Variants in PBK observed in about 807,000 individuals in gnomAD.
PBK encodes PDZ binding kinase, also known as lymphokine-activated killer T-cell-originated protein kinase.
In PBK, 22 loss-of-function variants were observed where a neutral mutation model predicts 33.5. That is an observed-to-expected ratio of 0.66 (90% CI 0.47 to 0.94). The LOEUF is 0.94. Among genes scored for constraint, PBK ranks in the 40% least tolerant of loss-of-function variants. PBK has a pLI of 0.00. For synonymous variants in PBK, 129 were observed against 123.8 expected (o/e 1.04, Z -0.28); for missense variants, 376 against 383.4 (o/e 0.98, Z 0.16).
intron 6 of PBK, among the ~76,000 whole-genome samples, chr8:27,816,246 T>C (rs78451596): frequency 6.6e-6 from 1 of 151,878 alleles, no homozygotes. Flanking sequence ...GTCTGTCTCA[T>C]GTACTCTATA....
intron 6 of PBK, among the ~76,000 whole-genome samples, chr8:27,816,386 TA>T (rs1460648047): frequency 1.3e-5 from 2 of 148,646 alleles, no homozygotes; most frequent in Non-Finnish European, 3.0e-5. Flanking sequence ...TATTTTAATT[TA>T]TTTTTTTTTG....
rs755045401 is a variant in PBK at position 27,822,360 on chromosome 8, T to C, written c.424A>G (p.Ile142Val). The change falls in exon 5 of 8, where the codon ATA becomes GTA. Residue 142 changes from isoleucine (I) to valine (V), a missense_variant. Transcript: ENST00000301905. ...ATATTCAAAGCAACTTTTAAAATTA[T>C]GGCTGCTGGAAAAGGATCTTGGCTG... ...KASQDPFPAA[I>V]ILKVALNMAR... 9.3e-6 allele frequency: 15 copies of C among 1,613,094 alleles called. No individual in the cohort carries two copies. The highest frequency in any genetic ancestry group is 1.0e-5 in the Non-Finnish European group (12 of 1,179,714).
intron 3 of PBK, among the ~76,000 whole-genome samples, chr8:27,824,931 T>C (rs1805997610): frequency 6.6e-6 from 1 of 152,156 alleles, no homozygotes; most frequent in Admixed American, 6.5e-5. Context: ...ACAAAAAAAA[T>C]ATAGACTTCT....
At chr8:27,836,935 CT>C (rs1198700458) in intron 1 of PBK, among the ~76,000 whole-genome samples, 1 of 152,184 alleles carries the variant, frequency 6.6e-6, no homozygotes, top group Non-Finnish European at 1.5e-5. Flanking sequence ...GCATTAACTG[CT>C]GACAGATAGC....
At chr8:27,830,499 G>A (rs771711897) in intron 2 of PBK, among the ~76,000 whole-genome samples, 8 of 152,236 alleles carry the variant, frequency 5.3e-5, no homozygotes, top group Non-Finnish European at 8.8e-5. Context: ...CAAAACAGCC[G>A]ATTTACATCC....
chr8:27,811,518 T>C (rs1385938638), intron 6 of PBK, among the ~76,000 whole-genome samples: 1 of 152,152 alleles, frequency 6.6e-6, no homozygotes, highest in Non-Finnish European at 1.5e-5. Flanking sequence ...TTGTGAACAA[T>C]ATTAGGCTGA....
At chr8:27,823,463 T>C (rs1039297130) in intron 3 of PBK, among the ~76,000 whole-genome samples, 1 of 151,970 alleles carries the variant, frequency 6.6e-6, no homozygotes, top group African/African-American at 2.4e-5. Context: ...AGATGGAATG[T>C]TACAAACTTT....
At chr8:27,822,292 T>C (rs768085381) in intron 5 of PBK, 27 bp downstream of exon 5, 1 of 1,464,820 alleles carries the variant, frequency 6.8e-7, no homozygotes, top group Non-Finnish European at 9.4e-7. Flanking sequence ...AAAACAGAAG[T>C]CATTTAAAAT....
intron 5 of PBK, among the ~76,000 whole-genome samples, chr8:27,821,815 G>A (rs780123519): frequency 2.0e-5 from 3 of 152,106 alleles, no homozygotes; most frequent in Admixed American, 1.3e-4. Flanking sequence ...CCACATGTAC[G>A]TATAAGGATG....
At chr8:27,833,712 T>TA (rs34622248) in intron 1 of PBK, among the ~76,000 whole-genome samples, 80,208 of 149,972 alleles carry the variant, frequency 0.53, 21,864 homozygotes, top group East Asian at 0.95. Context: ...TGCACTTAGC[T>TA]AAAAAAAAAA....
At chr8:27,831,540 T>TAGAAGAC (rs772526214) in intron 2 of PBK, among the ~76,000 whole-genome samples, 23,665 of 151,448 alleles carry the variant, frequency 0.16, 2,345 homozygotes, top group East Asian at 0.36. Flanking sequence ...ATCATTGACA[T>TAGAAGAC]TTGTAGAACA....
intron 7 of PBK, 62 bp from the exon 8 acceptor site, chr8:27,810,563 T>C (rs1426988259): frequency 2.2e-6 from 2 of 911,174 alleles, no homozygotes; most frequent in Non-Finnish European, 3.4e-6. Flanking sequence ...AAAAGTTTAA[T>C]AGCTCACCCT....
At chr8:27,830,337 G>A (rs1216341154) in intron 2 of PBK, among the ~76,000 whole-genome samples, 1 of 150,980 alleles carries the variant, frequency 6.6e-6, no homozygotes, top group Non-Finnish European at 1.5e-5. Context: ...CAAAATAGAA[G>A]CTTAGGAATG....
In PBK at chr8:27,822,239, G is replaced by A; in HGVS notation, c.465+80C>T. ...GTAACAATATCCATCCACATTCAAA[G>A]ATGTCCTGCAAAGTGATTATTTGTT... On this transcript the variant is annotated intron_variant, in intron 5 of 7. Coordinates refer to ENST00000301905, the MANE Select transcript of PBK (RefSeq NM_018492.4). 2.8e-6 allele frequency: 3 copies of A among 1,056,852 alleles called. No homozygotes were observed. In the East Asian group the frequency reaches 7.8e-5, roughly 28 times the overall value. The allele number at this position is 1,056,852 out of a possible 1,614,324, so 65.5% of individuals were successfully genotyped here.
In PBK at chr8:27,820,640, C is replaced by A. The variant is rs774389423; in HGVS notation, c.520G>T (p.Val174Leu). The change falls in exon 6 of 8, where the codon GTA (valine) becomes TTA (leucine). Residue 174 changes from valine (V) to leucine (L), a missense_variant. Physicochemically the swap from Val to Leu is conservative, Grantham distance 32. Transcript: ENST00000301905. ...LHGDIKSSNVVIKGDFETIKI... is the reference protein window; with the variant it reads ...LHGDIKSSNVLIKGDFETIKI... ...ATTGTTTCAAAATCGCCTTTAATTA[C>A]AACATTTGAAGACTTTATGTCTCCA... 2 of 1,565,936 alleles carry A rather than the reference C, an allele frequency of 1.3e-6. No individual in the cohort carries two copies. The highest frequency in any genetic ancestry group is 1.8e-6 in the Non-Finnish European group (2 of 1,138,642).
At chr8:27,813,389 C>T (rs899295415) in intron 6 of PBK, among the ~76,000 whole-genome samples, 4 of 151,944 alleles carry the variant, frequency 2.6e-5, no homozygotes, top group Admixed American at 2.6e-4. Context: ...TGCAGCAAAC[C>T]AACATGGCAC....
Position 27,820,836 on chromosome 8 carries a change from T to C in PBK, c.466-142A>G, listed in dbSNP as rs1805912470. 5.3e-5 allele frequency: 27 copies of C among 510,730 alleles called. 1 individual carries two copies. The South Asian group carries it at 8.0e-4, about 15-fold the overall frequency. The allele number at this position is 510,730 out of a possible 1,614,324, so 31.6% of individuals were successfully genotyped here. A position where few individuals can be genotyped will look rare whatever the true frequency, so the allele number is the denominator to read the frequency against. ...CCAGCGTTTCAAAATTTTTTTTTTT[T>C]TTTTTAAAACGGAGTCTCACTCTGT... is the stretch of plus-strand genomic sequence containing the variant. On this transcript the variant is annotated intron_variant, in intron 5 of 7. Transcript: ENST00000301905.
chr8:27,833,215 G>C (rs1806162920), intron 1 of PBK, 82 bp from the exon 2 acceptor site: 6 of 693,958 alleles, frequency 8.6e-6, no homozygotes, highest in South Asian at 7.7e-5. Context: ...CCAATAGCCA[G>C]GCGCAGTGGA....
At chr8:27,836,943 T>C (rs1317909817) in intron 1 of PBK, among the ~76,000 whole-genome samples, 2 of 151,836 alleles carry the variant, frequency 1.3e-5, no homozygotes, top group African/African-American at 2.4e-5. Context: ...TGCTGACAGA[T>C]AGCTTTTGGC....
Sources: gnomAD v4.1 joint callset for allele counts (sites outside exome capture counted in the v4.1 genomes callset) on GRCh38, gnomAD v4.1.1 for gene constraint, MANE v1.5 for transcripts, NCBI Gene and HGNC (gene_info 2026-07-23, HGNC 2026-07-21) for gene names.